SLC35D2: variants seen among roughly 807,000 people sequenced by gnomAD.
The protein encoded by SLC35D2 is solute carrier family 35 member D2, also known as nucleotide sugar transporter SLC35D2.
Under a neutral mutation model 41.8 loss-of-function variants are expected in SLC35D2, and 43 were observed. That is an observed-to-expected ratio of 1.03 (90% CI 0.81 to 1.33). SLC35D2 has a LOEUF of 1.33. Among genes scored for constraint, SLC35D2 ranks in the 40% most tolerant of loss-of-function variants. The pLI, the probability that SLC35D2 is intolerant of heterozygous loss-of-function variation, is 0.00. For synonymous variants in SLC35D2, 150 were observed against 163.9 expected (o/e 0.92, Z 0.65); for missense variants, 380 against 408.4 (o/e 0.93, Z 0.60).
At chr9:96,321,866 A>G in intron 11 of SLC35D2, 132 bp downstream of exon 11, 1 of 604,206 alleles carries the variant, frequency 1.7e-6, no homozygotes, top group Non-Finnish European at 3.0e-6. Flanking sequence ...ATTATCTTAG[A>G]AATTAGAATG....
At chr9:96,376,632 G>C (rs533342534) in intron 1 of SLC35D2, among the ~76,000 whole-genome samples, 1 of 151,978 alleles carries the variant, frequency 6.6e-6, no homozygotes, top group Non-Finnish European at 1.5e-5. Context: ...AAATAAGCCA[G>C]GAGGTTGGTG....
In SLC35D2 at chr9:96,334,373, C is replaced by T. The variant is rs1378048805; in HGVS notation, c.752+2344G>A. On this transcript the variant is annotated intron_variant, in intron 9 of 11. Coordinates refer to ENST00000253270, the MANE Select transcript of SLC35D2 (RefSeq NM_007001.3). ...GCAAAATGGGCCGGGTGTGGCGGCT[C>T]ATGCCTGTAATCCCAGCACTTTGGG... 3.9e-5 allele frequency among the ~76,000 whole-genome samples: 6 copies of T among 152,322 alleles called. No homozygotes were observed. The South Asian group carries it at 1.0e-3, about 26-fold the overall frequency.
chr9:96,321,727 G>A (rs1828238566), intron 11 of SLC35D2, among the ~76,000 whole-genome samples: 1 of 152,178 alleles, frequency 6.6e-6, no homozygotes, highest in Admixed American at 6.5e-5. Flanking sequence ...CTTTATAGGA[G>A]GAGGGCAGAG....
chr9:96,324,802 G>A (rs1587830214), intron 9 of SLC35D2, among the ~76,000 whole-genome samples: 1 of 152,054 alleles, frequency 6.6e-6, no homozygotes, highest in African/African-American at 2.4e-5. Flanking sequence ...CAATCCACCC[G>A]CCTTGGCCTC....
intron 8 of SLC35D2, among the ~76,000 whole-genome samples, chr9:96,337,173 AT>A (rs1488605917): frequency 2.0e-5 from 3 of 152,088 alleles, no homozygotes; most frequent in Non-Finnish European, 4.4e-5. Flanking sequence ...GGTTGGGTTT[AT>A]TTTTTATAAA....
intron 8 of SLC35D2, among the ~76,000 whole-genome samples, chr9:96,342,651 T>C (rs768784979): frequency 2.0e-4 from 30 of 152,290 alleles, no homozygotes; most frequent in South Asian, 1.0e-3. Context: ...TTTATCGAGA[T>C]TGGTGCCACT....
chr9:96,352,149 T>C (rs776751462), intron 4 of SLC35D2, 40 bp from the exon 5 acceptor site: 1 of 1,392,276 alleles, frequency 7.2e-7, no homozygotes, highest in South Asian at 1.2e-5. Flanking sequence ...CACCAAGGGT[T>C]GGTTGATTGG....
Position 96,351,147 on chromosome 9 carries a change from G to A in SLC35D2, c.444C>T (p.Ile148=). The change falls in exon 6 of 12, where the codon ATC becomes ATT. Residue 148 remains isoleucine (I), a synonymous_variant. Coordinates refer to ENST00000253270, the MANE Select transcript of SLC35D2 (RefSeq NM_007001.3). ...ILGKQYSLNI[I]LSVFAIILGA... is the part of the protein sequence containing the mutation. Reference sequence around the variant, plus strand: ...CGAGAATAATGGCAAAGACACTGAGGATGATGTTGAGTGAATACTGCTTCC... The same window carrying A: ...CGAGAATAATGGCAAAGACACTGAGAATGATGTTGAGTGAATACTGCTTCC... 1 of 1,612,058 alleles carries A rather than the reference G, an allele frequency of 6.2e-7. No homozygotes were observed. The highest frequency in any genetic ancestry group is 8.5e-7 in the Non-Finnish European group (1 of 1,178,194).
chr9:96,344,037 C>T lies in SLC35D2; in HGVS notation c.592-41G>A, dbSNP rs563123056. The T allele has an allele frequency of 8.3e-6, 11 of 1,321,692 alleles. No individual in the cohort carries two copies. The African/African-American group carries it at 1.3e-4, about 16-fold the overall frequency. 81.9% of individuals were successfully genotyped at this position (1,321,692 alleles called of 1,614,324 possible). ...TGTAAAAACCACTCAGTTTCAGAAACGTGAGGCACAGATTTCCTGGAGCCA... is the reference window on the plus strand; with the variant it reads ...TGTAAAAACCACTCAGTTTCAGAAATGTGAGGCACAGATTTCCTGGAGCCA... On this transcript the variant is annotated intron_variant, in intron 7 of 11. Transcript: ENST00000253270.
chr9:96,322,436 T>C (rs1487997018), intron 10 of SLC35D2, among the ~76,000 whole-genome samples: 2 of 152,008 alleles, frequency 1.3e-5, no homozygotes, highest in Non-Finnish European at 2.9e-5. Context: ...AGTGGGAGGA[T>C]TGCTTGAGCC....
chr9:96,360,461 T>C (rs1830218050), intron 3 of SLC35D2, among the ~76,000 whole-genome samples: 1 of 151,490 alleles, frequency 6.6e-6, no homozygotes, highest in Non-Finnish European at 1.5e-5. Flanking sequence ...AAACCCCATT[T>C]CTACTAAAAA....
intron 1 of SLC35D2, among the ~76,000 whole-genome samples, chr9:96,375,818 G>A (rs1370803589): frequency 2.0e-5 from 3 of 151,206 alleles, no homozygotes; most frequent in Non-Finnish European, 2.9e-5. Flanking sequence ...AGGAGTTTGT[G>A]ACCAGCCTGG....
At chr9:96,326,051 TAAAG>T (rs1317063295) in intron 9 of SLC35D2, among the ~76,000 whole-genome samples, 4 of 152,250 alleles carry the variant, frequency 2.6e-5, no homozygotes, top group South Asian at 2.1e-4. Context: ...TTTGAAAAGT[TAAAG>T]AAACTCTGTG....
intron 3 of SLC35D2, among the ~76,000 whole-genome samples, 166 bp from the exon 4 acceptor site, chr9:96,360,387 C>G (rs201324313): frequency 1.3e-5 from 2 of 151,948 alleles, no homozygotes; most frequent in Non-Finnish European, 2.9e-5. Flanking sequence ...TCCCAGCACT[C>G]TGGGAGGCCA....
At chr9:96,371,919 G>C (rs962842254) in intron 1 of SLC35D2, among the ~76,000 whole-genome samples, 1 of 150,968 alleles carries the variant, frequency 6.6e-6, no homozygotes, top group African/African-American at 2.4e-5. Context: ...GTAGAGACGG[G>C]GTTTCACCGT....
chr9:96,322,078 A>G lies in SLC35D2; in HGVS notation c.834T>C (p.Asn278=). Residue 278 remains asparagine (N), a splice_region_variant and synonymous_variant, in exon 11 of 12, where the codon AAT becomes AAC. Transcript: ENST00000253270. ...ATATCCCAATGTAGGCAACGGATAC[A>G]TTCTGCAGAAAAAGAGAGAGGATTC... ...LTTAVVGAIK[N]VSVAYIGILI... The G allele has an allele frequency of 5.7e-6, 9 of 1,583,664 alleles. No homozygotes were observed. Among genetic ancestry groups the G allele is most frequent in the Non-Finnish European group, 6.9e-6 (8 of 1,155,472 alleles).
chr9:96,352,274 A>C (rs1829842412), intron 4 of SLC35D2, among the ~76,000 whole-genome samples, 165 bp from the exon 5 acceptor site: 1 of 152,196 alleles, frequency 6.6e-6, no homozygotes, highest in Non-Finnish European at 1.5e-5. Flanking sequence ...GAGATTAAAT[A>C]ATTTCATACC....
chr9:96,366,306 A>G (rs1830470813), intron 2 of SLC35D2, among the ~76,000 whole-genome samples: 1 of 151,412 alleles, frequency 6.6e-6, no homozygotes, highest in Non-Finnish European at 1.5e-5. Flanking sequence ...TGGAAAAAAA[A>G]AAAAAAAAGG....
chr9:96,366,107 A>C (rs946105327), intron 2 of SLC35D2, among the ~76,000 whole-genome samples: 1 of 152,138 alleles, frequency 6.6e-6, no homozygotes, highest in African/African-American at 2.4e-5. Context: ...GTTCAAGACC[A>C]GCCTGGGCAT....
Sources: allele counts gnomAD v4.1 joint callset (sites outside exome capture counted in the v4.1 genomes callset), GRCh38; gene constraint gnomAD v4.1.1; transcripts MANE v1.5; gene names NCBI Gene and HGNC (gene_info 2026-07-23, HGNC 2026-07-21).